The following SLC15A5 variants were observed in gnomAD, a reference collection of about 807,000 sequenced individuals.
SLC15A5 encodes solute carrier family 15 member 5.
A neutral mutation model predicts 56.1 loss-of-function variants in SLC15A5; 58 were observed. That is an observed-to-expected ratio of 1.03 (90% CI 0.84 to 1.29). The LOEUF (loss-of-function observed/expected upper bound fraction) is 1.29. Among genes scored for constraint, SLC15A5 ranks in the 50% most tolerant of loss-of-function variants. The pLI is 0.00. For missense variants in SLC15A5, 681 were observed against 672.1 expected (o/e 1.01, Z -0.15); for synonymous variants, 264 against 250.5 (o/e 1.05, Z -0.51).
chr12:16,189,896 T>A, intron 8 of SLC15A5, 81 bp from the exon 9 acceptor site: 1 of 1,077,170 alleles, frequency 9.3e-7, no homozygotes, highest in Middle Eastern at 3.0e-4. Flanking sequence ...CCTGCGCTTG[T>A]CTACCTTTTA....
intron 3 of SLC15A5, among the ~76,000 whole-genome samples, chr12:16,251,712 A>G (rs973083589): frequency 3.9e-5 from 6 of 152,074 alleles, no homozygotes; most frequent in African/African-American, 1.4e-4. Flanking sequence ...CCAGGACCAG[A>G]TGGATCCACT....
Position 16,269,251 on chromosome 12 carries a change from G to A in SLC15A5, c.584+3310C>T, listed in dbSNP as rs1671480. 0.45 allele frequency among the ~76,000 whole-genome samples: 68,356 copies of A among 152,068 alleles called. 15,565 individuals are homozygous for A. Among genetic ancestry groups the A allele is most frequent in the South Asian group, 0.62 (2,968 of 4,826 alleles). Reference sequence around the variant, plus strand: ...CTCCCAGAAAATTCTGATCCAGGAGGTTCGAGGTGGGACCTGGGAAACATT... The same window carrying A: ...CTCCCAGAAAATTCTGATCCAGGAGATTCGAGGTGGGACCTGGGAAACATT... On this transcript the variant is annotated intron_variant, in intron 2 of 8. Coordinates refer to ENST00000344941, the MANE Select transcript of SLC15A5 (RefSeq NM_001170798.1). This position sits in a 1 kb window ranked among gnomAD's most constrained non-coding sequence, Gnocchi z 4.7.
intron 4 of SLC15A5, among the ~76,000 whole-genome samples, chr12:16,240,422 G>C (rs1315932456): frequency 1.3e-5 from 2 of 151,798 alleles, no homozygotes; most frequent in Non-Finnish European, 2.9e-5. Flanking sequence ...GAGAGGCTTT[G>C]TTTCCAATGT....
chr12:16,214,105 C>G (rs967086249), intron 7 of SLC15A5, among the ~76,000 whole-genome samples: 18 of 152,094 alleles, frequency 1.2e-4, no homozygotes, highest in African/African-American at 4.1e-4. Flanking sequence ...TTTATTTTTT[C>G]TGCCCTAATC....
At chr12:16,236,304 C>T (rs1452734688) in intron 5 of SLC15A5, among the ~76,000 whole-genome samples, 1 of 152,164 alleles carries the variant, frequency 6.6e-6, no homozygotes, top group Non-Finnish European at 1.5e-5. Context: ...ATCATTAGTT[C>T]TGGATTTGTA....
chr12:16,217,109 A>G (rs1221830282), intron 6 of SLC15A5, 85 bp from the exon 7 acceptor site: 4 of 1,366,024 alleles, frequency 2.9e-6, no homozygotes, highest in Non-Finnish European at 3.8e-6. Flanking sequence ...TTGATCATGT[A>G]TCAAAGAAAA....
chr12:16,260,398 G>A (rs1398875679), intron 2 of SLC15A5, among the ~76,000 whole-genome samples: 1 of 151,904 alleles, frequency 6.6e-6, no homozygotes, highest in Non-Finnish European at 1.5e-5. Flanking sequence ...ACGTTCGTTT[G>A]TTGTGTTAAG....
intron 3 of SLC15A5, among the ~76,000 whole-genome samples, chr12:16,252,427 A>C (rs1474556538): frequency 6.6e-6 from 1 of 152,062 alleles, no homozygotes; most frequent in African/African-American, 2.4e-5. Context: ...TTCGACACAA[A>C]AGTCATTAGA....
chr12:16,231,055 A>G (rs920409690), intron 5 of SLC15A5, among the ~76,000 whole-genome samples: 4 of 152,246 alleles, frequency 2.6e-5, no homozygotes, highest in Admixed American at 6.5e-5. Flanking sequence ...ACTGTGGGCC[A>G]GTCACTTTAC....
At chr12:16,256,874 T>C (rs60281202) in intron 3 of SLC15A5, among the ~76,000 whole-genome samples, 1 of 145,436 alleles carries the variant, frequency 6.9e-6, no homozygotes, top group Non-Finnish European at 1.5e-5. Context: ...AAAAAAATAA[T>C]AATAATAATA....
chr12:16,255,821 A>G (rs1338416189), intron 3 of SLC15A5, among the ~76,000 whole-genome samples: 2 of 152,160 alleles, frequency 1.3e-5, no homozygotes, highest in African/African-American at 2.4e-5. Context: ...AGTGTGAATT[A>G]TATGTTACTT....
chr12:16,210,289 T>TA (rs1255574480), intron 7 of SLC15A5, among the ~76,000 whole-genome samples: 1 of 152,156 alleles, frequency 6.6e-6, no homozygotes, highest in Non-Finnish European at 1.5e-5. Flanking sequence ...TTGCCATGCG[T>TA]AGGAGGCTTC....
At position 16,199,298 on chromosome 12, in the gene SLC15A5, C is replaced by T. The variant is rs117189979; in HGVS notation, c.1484-4845G>A. 2.1e-3 allele frequency among the ~76,000 whole-genome samples: 195 copies of T among 94,108 alleles called. 6 individuals are homozygous for T. In the East Asian group the frequency reaches 0.046, roughly 22 times the overall value. The allele number at this position is 94,108 out of a possible 152,430, so 61.7% of individuals were successfully genotyped here. Reference sequence around the variant, plus strand: ...AACTGCTGTCAGTCTCATGTGTAGACTGTCTCAAAAAAAAAAAAAAAAAAA... The same window carrying T: ...AACTGCTGTCAGTCTCATGTGTAGATTGTCTCAAAAAAAAAAAAAAAAAAA... On this transcript the variant is annotated intron_variant, in intron 7 of 8. Coordinates refer to ENST00000344941, the MANE Select transcript of SLC15A5 (RefSeq NM_001170798.1).
At chr12:16,254,660 G>A (rs1011724401) in intron 3 of SLC15A5, among the ~76,000 whole-genome samples, 1 of 152,070 alleles carries the variant, frequency 6.6e-6, no homozygotes, top group African/African-American at 2.4e-5. Context: ...AAATATGAGG[G>A]TGCAAATGTC....
chr12:16,265,877 A>T (rs1864690128), intron 2 of SLC15A5, among the ~76,000 whole-genome samples: 1 of 152,190 alleles, frequency 6.6e-6, no homozygotes, highest in Admixed American at 6.5e-5. Context: ...CTCCTTGATG[A>T]TAAGATTTTA....
intron 7 of SLC15A5, among the ~76,000 whole-genome samples, chr12:16,197,514 C>G (rs1197283442): frequency 6.6e-6 from 1 of 152,074 alleles, no homozygotes; most frequent in African/African-American, 2.4e-5. Flanking sequence ...AATAACTGGA[C>G]CACTTAAGCC....
intron 2 of SLC15A5, among the ~76,000 whole-genome samples, chr12:16,260,018 C>G (rs1864628148): frequency 6.6e-6 from 1 of 152,066 alleles, no homozygotes. Context: ...GTGTGATTCT[C>G]CAAGTGTTAA....
At chr12:16,201,264 A>G (rs1203255858) in intron 7 of SLC15A5, among the ~76,000 whole-genome samples, 3 of 152,184 alleles carry the variant, frequency 2.0e-5, no homozygotes, top group Non-Finnish European at 4.4e-5. Context: ...ATATGGAACC[A>G]CAAAACACTA....
chr12:16,268,858 T>C (rs1211517338), intron 2 of SLC15A5, among the ~76,000 whole-genome samples: 1 of 152,182 alleles, frequency 6.6e-6, no homozygotes, highest in Non-Finnish European at 1.5e-5. Context: ...AAATTTCATA[T>C]GTTGAAATCT....
Sources: allele counts gnomAD v4.1 joint callset (sites outside exome capture counted in the v4.1 genomes callset), GRCh38; gene constraint gnomAD v4.1.1; non-coding constraint Gnocchi (gnomAD v3.1); transcripts MANE v1.5; gene names NCBI Gene and HGNC (gene_info 2026-07-23, HGNC 2026-07-21).